RALYL: variants seen among roughly 807,000 people sequenced by gnomAD.
RALYL encodes RNA-binding Raly-like protein.
A neutral mutation model predicts 35.1 loss-of-function variants in RALYL; 29 were observed. The observed-to-expected ratio is 0.83, with a 90% CI of 0.61 to 1.13. The LOEUF is 1.13. Among genes scored for constraint, RALYL ranks in the 50% most tolerant of loss-of-function variants. RALYL has a pLI of 0.00. For missense variants in RALYL, 359 were observed against 360.4 expected (o/e 1.00, Z 0.03); for synonymous variants, 120 against 127.6 (o/e 0.94, Z 0.40).
chr8:84,703,035 T>A (rs1230175713), intron 2 of RALYL, among the ~76,000 whole-genome samples: 2 of 152,128 alleles, frequency 1.3e-5, no homozygotes, highest in Admixed American at 6.6e-5. Context: ...TCAGCTTCTC[T>A]CTCTGTCCCT....
chr8:84,331,880 A>C (rs1349427778), intron 1 of RALYL, among the ~76,000 whole-genome samples: 1 of 152,162 alleles, frequency 6.6e-6, no homozygotes, highest in African/African-American at 2.4e-5. Context: ...TATTGTAGTC[A>C]TGCAAATCAT....
At chr8:84,432,860 G>A (rs766514694) in intron 1 of RALYL, among the ~76,000 whole-genome samples, 1 of 152,088 alleles carries the variant, frequency 6.6e-6, no homozygotes, top group Non-Finnish European at 1.5e-5. Flanking sequence ...CTCACAGGGA[G>A]CATGGCCCTA....
At chr8:84,236,081 C>T (rs567259688) in intron 1 of RALYL, among the ~76,000 whole-genome samples, 28 of 152,134 alleles carry the variant, frequency 1.8e-4, no homozygotes, top group African/African-American at 5.5e-4. Context: ...AAGCTGTTCT[C>T]GTGGCTGTGT....
At chr8:84,469,505 G>T (rs2052349740) in intron 1 of RALYL, among the ~76,000 whole-genome samples, 1 of 152,208 alleles carries the variant, frequency 6.6e-6, no homozygotes, top group Admixed American at 6.5e-5. Flanking sequence ...CCCGTCCTGA[G>T]ATCTCCAGCT....
At chr8:84,195,527 A>G (rs1169798947) in intron 1 of RALYL, among the ~76,000 whole-genome samples, 4 of 152,240 alleles carry the variant, frequency 2.6e-5, no homozygotes, top group Non-Finnish European at 5.9e-5. Context: ...GAAATGCTTT[A>G]TGTGAAAAGT....
intron 1 of RALYL, among the ~76,000 whole-genome samples, chr8:84,430,632 A>G (rs1361230888): frequency 6.6e-6 from 1 of 152,142 alleles, no homozygotes; most frequent in Non-Finnish European, 1.5e-5. Flanking sequence ...TGTTTTTTAT[A>G]AAATTGCACA....
Position 84,426,029 on chromosome 8 carries a change from A to C in RALYL, c.-23-103270A>C, listed in dbSNP as rs541658838. On this transcript the variant is annotated intron_variant, in intron 1 of 8. Transcript: ENST00000521268. The stretch of plus-strand genomic sequence containing the variant: ...ATAATGTGTAGCTAAAATCTCTCTC[A>C]TATCTCCTTGAACTGAGAACCAAAA... 5.3e-5 allele frequency among the ~76,000 whole-genome samples: 8 copies of C among 152,286 alleles called. No individual in the cohort carries two copies. The South Asian group carries it at 1.7e-3, about 32-fold the overall frequency.
chr8:84,828,311 T>C (rs1163562610), intron 4 of RALYL, among the ~76,000 whole-genome samples: 1 of 152,112 alleles, frequency 6.6e-6, no homozygotes, highest in Non-Finnish European at 1.5e-5. Context: ...TCTAGAAAAA[T>C]GCAATGCAAG....
At chr8:84,346,553 T>A (rs1849873641) in intron 1 of RALYL, among the ~76,000 whole-genome samples, 1 of 152,000 alleles carries the variant, frequency 6.6e-6, no homozygotes, top group African/African-American at 2.4e-5. Context: ...ATTGCAACCT[T>A]CGCCTCCTGG....
intron 1 of RALYL, among the ~76,000 whole-genome samples, chr8:84,457,090 C>T (rs1051716732): frequency 1.3e-5 from 2 of 151,946 alleles, no homozygotes; most frequent in Admixed American, 6.6e-5. Context: ...TTTTCACAGG[C>T]AAGCACAACT....
At chr8:84,262,307 T>C (rs190938220) in intron 1 of RALYL, among the ~76,000 whole-genome samples, 3 of 152,178 alleles carry the variant, frequency 2.0e-5, no homozygotes, top group Non-Finnish European at 4.4e-5. Context: ...TTTGTTCTGA[T>C]TCACAATGGA....
chr8:84,629,875 A>C (rs1420618651), intron 2 of RALYL, among the ~76,000 whole-genome samples: 1 of 152,046 alleles, frequency 6.6e-6, no homozygotes, highest in Non-Finnish European at 1.5e-5. Context: ...TCTAAGAGAA[A>C]CTTTACTCCA....
At chr8:84,229,847 C>T (rs186430540) in intron 1 of RALYL, among the ~76,000 whole-genome samples, 1 of 152,266 alleles carries the variant, frequency 6.6e-6, no homozygotes, top group Non-Finnish European at 1.5e-5. Flanking sequence ...GACTGGAACT[C>T]ACAGTTCCTG....
At chr8:84,879,695 T>C (rs1218832383) in intron 7 of RALYL, among the ~76,000 whole-genome samples, 1 of 152,048 alleles carries the variant, frequency 6.6e-6, no homozygotes, top group Non-Finnish European at 1.5e-5. Context: ...AACGCTGCTG[T>C]TTTCCATAGC....
intron 2 of RALYL, among the ~76,000 whole-genome samples, chr8:84,729,171 T>G (rs1358242364): frequency 2.6e-5 from 4 of 152,134 alleles, no homozygotes; most frequent in Admixed American, 2.0e-4. Flanking sequence ...TTTGTAGTTC[T>G]CCTTGAAGAG....
At chr8:84,840,152 A>G (rs1270630265) in intron 4 of RALYL, among the ~76,000 whole-genome samples, 1 of 152,220 alleles carries the variant, frequency 6.6e-6, no homozygotes, top group Non-Finnish European at 1.5e-5. Flanking sequence ...ATAAGGCTTC[A>G]GACGATCAAA....
At chr8:84,830,751 G>T (rs551746890) in intron 4 of RALYL, among the ~76,000 whole-genome samples, 1 of 152,164 alleles carries the variant, frequency 6.6e-6, no homozygotes, top group South Asian at 2.1e-4. Context: ...TATTTTGAGG[G>T]CTCAAAGAGG....
At chr8:84,191,567 T>C (rs1194278009) in intron 1 of RALYL, among the ~76,000 whole-genome samples, 1 of 152,030 alleles carries the variant, frequency 6.6e-6, no homozygotes, top group African/African-American at 2.4e-5. Flanking sequence ...AAACACAAGA[T>C]GAGCCTGGGA....
chr8:84,297,511 G>T (rs1275427640), intron 1 of RALYL, among the ~76,000 whole-genome samples: 1 of 152,072 alleles, frequency 6.6e-6, no homozygotes, highest in East Asian at 1.9e-4. Context: ...GTGCTGTAAT[G>T]AACATGCACA....
Sources: allele counts gnomAD v4.1 joint callset (sites outside exome capture counted in the v4.1 genomes callset), GRCh38; gene constraint gnomAD v4.1.1; transcripts MANE v1.5; gene names NCBI Gene and HGNC (gene_info 2026-07-23, HGNC 2026-07-21).